Variants in FYB1 observed in about 807,000 individuals in gnomAD.
The protein encoded by FYB1 is FYN-binding protein 1.
A neutral mutation model predicts 94.1 loss-of-function variants in FYB1; 41 were observed. That is an observed-to-expected ratio of 0.44 (90% CI 0.34 to 0.57). The LOEUF is 0.57. Among genes scored for constraint, FYB1 ranks in the 20% least tolerant of loss-of-function variants. FYB1 has a pLI of 0.02. For missense variants in FYB1, 1,050 were observed against 976.8 expected (o/e 1.07, Z -1.00); for synonymous variants, 367 against 353.2 (o/e 1.04, Z -0.44).
chr5:39,226,182 T>C (rs565375963), intron 1 of FYB1, among the ~76,000 whole-genome samples: 1 of 152,316 alleles, frequency 6.6e-6, no homozygotes, highest in East Asian at 1.9e-4. Context: ...GTAACCAGCA[T>C]GTCCTGTTGC....
At chr5:39,233,124 A>G (rs377106573) in intron 1 of FYB1, among the ~76,000 whole-genome samples, 28 of 152,274 alleles carry the variant, frequency 1.8e-4, no homozygotes, top group East Asian at 1.5e-3. Flanking sequence ...CTAGTTCTAG[A>G]TCCCTGAGGA....
chr5:39,198,899 A>T (rs1461665517), intron 2 of FYB1, among the ~76,000 whole-genome samples: 4 of 152,108 alleles, frequency 2.6e-5, no homozygotes, highest in African/African-American at 9.7e-5. Flanking sequence ...ACATGCAAAC[A>T]TACATACAGG....
intron 12 of FYB1, 119 bp downstream of exon 12, chr5:39,125,879 G>A: frequency 2.0e-6 from 2 of 989,020 alleles, no homozygotes; most frequent in Non-Finnish European, 2.9e-6. Flanking sequence ...ACGGAAAATT[G>A]CATTAAGATG....
At position 39,147,452 on chromosome 5, in the gene FYB1, CTGTG is replaced by C. The variant is rs71606520; in HGVS notation, c.1292+5992_1292+5995del. On this transcript the variant is annotated intron_variant, in intron 3 of 18. Transcript: ENST00000512982. The stretch of plus-strand genomic sequence containing the variant: ...CCCAGCTAAACTTTTGTACATATGC[CTGTG>C]TGTGTGTGTGTGTGTGTGTGTGTGT... 3.9e-3 allele frequency among the ~76,000 whole-genome samples: 566 copies of C among 144,586 alleles called. 3 individuals carry two copies. Among genetic ancestry groups the C allele is most frequent in the African/African-American group, 5.5e-3 (211 of 38,590 alleles). The allele number at this position is 144,586 out of a possible 152,430, so 94.9% of individuals were successfully genotyped here.
chr5:39,108,986 C>G (rs921538176), intron 17 of FYB1, among the ~76,000 whole-genome samples: 2 of 151,956 alleles, frequency 1.3e-5, no homozygotes, highest in Non-Finnish European at 2.9e-5. Context: ...TTTTAAGTAC[C>G]TTATAATCAA....
chr5:39,182,482 T>C (rs1364568285), intron 2 of FYB1, among the ~76,000 whole-genome samples: 2 of 152,160 alleles, frequency 1.3e-5, no homozygotes, highest in Non-Finnish European at 2.9e-5. Flanking sequence ...TTGGTTAATA[T>C]AAAATTTTAA....
At chr5:39,229,427 A>C (rs1030708940) in intron 1 of FYB1, among the ~76,000 whole-genome samples, 2 of 152,200 alleles carry the variant, frequency 1.3e-5, no homozygotes, top group Non-Finnish European at 2.9e-5. Context: ...ATGACAGTGG[A>C]AACTAGTAAC....
chr5:39,272,938 A>G (rs1182964771), intron 1 of FYB1, among the ~76,000 whole-genome samples: 1 of 152,162 alleles, frequency 6.6e-6, no homozygotes, highest in Non-Finnish European at 1.5e-5. Context: ...GGTCTTTCAA[A>G]CACATATATT....
At chr5:39,170,682 T>A (rs1192351167) in intron 2 of FYB1, among the ~76,000 whole-genome samples, 1 of 152,128 alleles carries the variant, frequency 6.6e-6, no homozygotes, top group African/African-American at 2.4e-5. Context: ...GAAAAAGAGG[T>A]CCTAAAATGC....
intron 2 of FYB1, among the ~76,000 whole-genome samples, chr5:39,166,303 G>A (rs567898610): frequency 6.6e-6 from 1 of 152,092 alleles, no homozygotes; most frequent in African/African-American, 2.4e-5. Flanking sequence ...GGGCCTGGTG[G>A]CAGGTGCCTG....
Position 39,126,237 on chromosome 5 carries a change from C to A in FYB1, c.1908-102G>T. 4.1e-6 allele frequency: 5 copies of A among 1,232,034 alleles called. No individual in the cohort carries two copies. In the South Asian group the frequency reaches 4.7e-5, roughly 12 times the overall value. 76.3% of individuals were successfully genotyped at this position (1,232,034 alleles called of 1,614,324 possible). On this transcript the variant is annotated intron_variant, in intron 11 of 18. Transcript: ENST00000512982. ...TTATAATCATTAATCATTACGGCCA[C>A]ATTAATCATTCAGGCAGTAAATAAC...
chr5:39,163,854 A>T (rs200617050), intron 2 of FYB1, among the ~76,000 whole-genome samples: 1 of 111,814 alleles, frequency 8.9e-6, no homozygotes, highest in Non-Finnish European at 2.1e-5. Context: ...ATAACTGAAT[A>T]TTCTTCAAAT....
intron 16 of FYB1, among the ~76,000 whole-genome samples, chr5:39,113,266 C>A (rs1158629827): frequency 6.6e-6 from 1 of 152,014 alleles, no homozygotes; most frequent in Non-Finnish European, 1.5e-5. Context: ...AAAATATAAA[C>A]ACATGAAATA....
intron 2 of FYB1, among the ~76,000 whole-genome samples, chr5:39,188,207 T>C (rs1747022623): frequency 6.6e-6 from 1 of 152,220 alleles, no homozygotes; most frequent in South Asian, 2.1e-4. Context: ...AAAGAACTTG[T>C]TCAGCTACTC....
chr5:39,199,723 A>G (rs1748151436), intron 2 of FYB1, among the ~76,000 whole-genome samples: 1 of 152,198 alleles, frequency 6.6e-6, no homozygotes, highest in South Asian at 2.1e-4. Flanking sequence ...ATAAGAAATT[A>G]AGAAGAGTGG....
At chr5:39,151,228 G>A (rs751566113) in intron 3 of FYB1, among the ~76,000 whole-genome samples, 6 of 152,078 alleles carry the variant, frequency 3.9e-5, no homozygotes, top group Non-Finnish European at 8.8e-5. Context: ...CCTCTGCTCC[G>A]TTTTCCCTTT....
chr5:39,133,663 A>G (rs1314940929), intron 9 of FYB1, among the ~76,000 whole-genome samples: 2 of 152,230 alleles, frequency 1.3e-5, no homozygotes, highest in African/African-American at 4.8e-5. Context: ...TAATTCTTGA[A>G]GTGAAGGTCA....
At chr5:39,271,503 A>C (rs1752662386) in intron 1 of FYB1, among the ~76,000 whole-genome samples, 1 of 152,192 alleles carries the variant, frequency 6.6e-6, no homozygotes, top group Non-Finnish European at 1.5e-5. Flanking sequence ...GGTGGTTGCA[A>C]ATTTCCAGAT....
intron 2 of FYB1, among the ~76,000 whole-genome samples, chr5:39,160,904 A>G (rs557543742): frequency 4.9e-4 from 75 of 152,282 alleles, no homozygotes; most frequent in African/African-American, 1.8e-3. Context: ...TTTTATTAGA[A>G]GTTTTCTAAA....
Sources: allele counts gnomAD v4.1 joint callset (sites outside exome capture counted in the v4.1 genomes callset), GRCh38; gene constraint gnomAD v4.1.1; transcripts MANE v1.5; gene names NCBI Gene and HGNC (gene_info 2026-07-23, HGNC 2026-07-21).